SVOP: variants seen among roughly 807,000 people sequenced by gnomAD.
SVOP encodes the protein SV2 related protein.
A neutral mutation model predicts 69.1 loss-of-function variants in SVOP; 17 were observed. That is an observed-to-expected ratio of 0.25 (90% confidence interval 0.17 to 0.37). The LOEUF (loss-of-function observed/expected upper bound fraction) is 0.37, where lower values mean the gene tolerates loss of function less well. SVOP is among the 10% of genes least tolerant of loss of function. The pLI is 1.00. For missense variants in SVOP, 435 were observed against 597.5 expected, an observed-to-expected ratio of 0.73 and a Z score of 2.84; for synonymous variants, 238 against 238.6, an observed-to-expected ratio of 1.00 and a Z score of 0.02.
intron 10 of SVOP, 131 bp from the exon 11 acceptor site, chr12:108,934,402 G>A: frequency 3.0e-6 from 2 of 676,296 alleles, no homozygotes; most frequent in South Asian, 1.9e-5. Context: ...GATTTTGGGG[G>A]CTTTACTGGG....
At chr12:108,978,245 A>G (rs1196368349) in intron 3 of SVOP, among the ~76,000 whole-genome samples, 1 of 152,198 alleles carries the variant, frequency 6.6e-6, no homozygotes, top group Non-Finnish European at 1.5e-5. Context: ...TTGAAGCAGA[A>G]GGCACATTTC....
chr12:109,012,306 A>G (rs995492643), intron 1 of SVOP, among the ~76,000 whole-genome samples: 40 of 151,784 alleles, frequency 2.6e-4, no homozygotes, highest in Non-Finnish European at 4.9e-4. Context: ...TCAGTTAGAC[A>G]GGAGAAATAG....
chr12:109,007,832 G>C (rs2040317502), intron 1 of SVOP, among the ~76,000 whole-genome samples: 1 of 152,142 alleles, frequency 6.6e-6, no homozygotes, highest in Admixed American at 6.6e-5. Context: ...GAGCCCAGGA[G>C]TTCGAGACCA....
chr12:108,927,592 T>TTG (rs1389344228), intron 11 of SVOP, among the ~76,000 whole-genome samples: 1 of 51,072 alleles, frequency 2.0e-5, no homozygotes, highest in African/African-American at 3.4e-5. Flanking sequence ...TCTCTCTCTT[T>TTG]TTTTTTTTTT....
chr12:109,011,754 G>T (rs1453695796), intron 1 of SVOP, among the ~76,000 whole-genome samples: 1 of 152,120 alleles, frequency 6.6e-6, no homozygotes, highest in African/African-American at 2.4e-5. Context: ...TAAACACAAT[G>T]GAATACTATT....
rs934825022 is a variant in SVOP at position 108,910,697 on chromosome 12, A to T, written c.*1838T>A. 1.3e-5 allele frequency: 2 copies of T among 152,214 alleles called. No homozygotes were observed. Among genetic ancestry groups the T allele is most frequent in the African/African-American group, 4.8e-5 (2 of 41,460 alleles). 9.4% of individuals were successfully genotyped at this position (152,214 alleles called of 1,614,324 possible). On this transcript the variant is annotated 3_prime_UTR_variant, in exon 16 of 16. Transcript: ENST00000610966. Reference sequence around the variant, plus strand: ...CCATCATGACCTGCACACCATTAGAAGAAAGTGTTGTCTCCAACAAGCTCA... The same window carrying T: ...CCATCATGACCTGCACACCATTAGATGAAAGTGTTGTCTCCAACAAGCTCA...
intron 6 of SVOP, among the ~76,000 whole-genome samples, chr12:108,947,448 C>T (rs188541108): frequency 2.6e-5 from 4 of 152,326 alleles, no homozygotes; most frequent in South Asian, 2.1e-4. Context: ...CATACTGATA[C>T]ATTCCATTTC....
intron 1 of SVOP, among the ~76,000 whole-genome samples, chr12:109,007,904 G>A (rs1480422366): frequency 6.6e-6 from 1 of 151,846 alleles, no homozygotes; most frequent in Non-Finnish European, 1.5e-5. Flanking sequence ...TGACCGTGGT[G>A]GTACGCACCT....
In SVOP at chr12:108,940,646, C is replaced by G. The variant is rs957142600; in HGVS notation, c.768+138G>C. 82 of 1,317,792 alleles carry G rather than the reference C, an allele frequency of 6.2e-5. No individual in the cohort carries two copies. In the Middle Eastern group the frequency reaches 7.2e-4, roughly 12 times the overall value. The allele number at this position is 1,317,792 out of a possible 1,614,324, so 81.6% of individuals were successfully genotyped here. A position where few individuals can be genotyped will look rare whatever the true frequency, so the allele number is the denominator to read the frequency against. On this transcript the variant is annotated intron_variant, in intron 8 of 15. Transcript: ENST00000610966. ...CTGGGGCTACCCCAGGCCATAGCTCCCTTGTCTCATTTCCTGATTTAAAAA... is the reference window on the plus strand; with the variant it reads ...CTGGGGCTACCCCAGGCCATAGCTCGCTTGTCTCATTTCCTGATTTAAAAA...
Position 108,977,413 on chromosome 12 carries a change from C to A in SVOP, c.366G>T (p.Val122=), listed in dbSNP as rs1448138597. The A allele has an allele frequency of 6.5e-7, 1 of 1,537,174 alleles. No homozygotes were observed. The highest frequency in any genetic ancestry group is 2.0e-5 in the Admixed American group (1 of 51,002). Residue 122 remains valine (V), a synonymous_variant, in exon 4 of 16, where the codon GTG becomes GTT. Transcript: ENST00000610966. Reference sequence around the variant, plus strand: ...GGCTGCCTACCGAGGTCAGCAATGCCACCTGCCAGCTTGGGAGCCTCCACT... The same window carrying A: ...GGCTGCCTACCGAGGTCAGCAATGCAACCTGCCAGCTTGGGAGCCTCCACT... ...HCEWRLPSWQ[V]ALLTSVVFVG... is the part of the protein sequence containing the mutation.
At chr12:109,007,934 A>C (rs912429624) in intron 1 of SVOP, among the ~76,000 whole-genome samples, 2 of 152,046 alleles carry the variant, frequency 1.3e-5, no homozygotes, top group Admixed American at 6.6e-5. Context: ...GCTACTGGGG[A>C]GGATGAGATG....
chr12:108,935,418 G>A (rs2137401850), intron 10 of SVOP, among the ~76,000 whole-genome samples: 1 of 152,266 alleles, frequency 6.6e-6, no homozygotes, highest in South Asian at 2.1e-4. Context: ...CTAATTAATT[G>A]CTTCAGTATT....
At chr12:108,963,551 G>A (rs369335916) in intron 5 of SVOP, among the ~76,000 whole-genome samples, 4 of 152,088 alleles carry the variant, frequency 2.6e-5, no homozygotes, top group East Asian at 1.9e-4. Flanking sequence ...GCAGTGGCAC[G>A]ATCTCAGCTC....
intron 5 of SVOP, among the ~76,000 whole-genome samples, chr12:108,963,063 T>C (rs538998645): frequency 6.6e-6 from 1 of 152,204 alleles, no homozygotes; most frequent in African/African-American, 2.4e-5. Flanking sequence ...AGTAAACAAA[T>C]ACTATTTTTA....
intron 5 of SVOP, among the ~76,000 whole-genome samples, chr12:108,968,940 C>T (rs577178671): frequency 2.0e-5 from 3 of 152,156 alleles, no homozygotes; most frequent in Non-Finnish European, 4.4e-5. Context: ...ACTACAGGTG[C>T]ATGCCACTGG....
At chr12:108,998,187 G>A (rs1402903606) in intron 1 of SVOP, among the ~76,000 whole-genome samples, 13 of 152,292 alleles carry the variant, frequency 8.5e-5, no homozygotes, top group East Asian at 3.9e-4. Context: ...GAGCCGATGC[G>A]ATCAACTGGA....
chr12:108,925,424 T>TA (rs1254555449), intron 11 of SVOP, among the ~76,000 whole-genome samples: 1 of 152,198 alleles, frequency 6.6e-6, no homozygotes, highest in Non-Finnish European at 1.5e-5. Flanking sequence ...CCAACTAGTC[T>TA]ACCTGCTTCT....
chr12:108,949,739 G>A (rs187760284), intron 6 of SVOP, among the ~76,000 whole-genome samples: 115 of 142,604 alleles, frequency 8.1e-4, no homozygotes, highest in African/African-American at 2.5e-3. Context: ...CACTGTCAGC[G>A]TTCCACCCAA....
chr12:108,923,011 A>T (rs1201240180), intron 11 of SVOP, among the ~76,000 whole-genome samples: 1 of 152,212 alleles, frequency 6.6e-6, no homozygotes, highest in Non-Finnish European at 1.5e-5. Flanking sequence ...ACTGGGGCAA[A>T]TAAAAGCACC....
Sources: allele counts gnomAD v4.1 joint callset (sites outside exome capture counted in the v4.1 genomes callset), GRCh38; gene constraint gnomAD v4.1.1; transcripts MANE v1.5; gene names NCBI Gene and HGNC (gene_info 2026-07-23, HGNC 2026-07-21).